Variants in FRMD4B observed in about 807,000 individuals in gnomAD.
The protein encoded by FRMD4B is FERM domain-containing protein 4B.
In FRMD4B, 74 loss-of-function variants were observed where a neutral mutation model predicts 141.5. The ratio of observed to expected loss-of-function variants is 0.52; its 90% CI spans 0.43 to 0.63. The LOEUF (loss-of-function observed/expected upper bound fraction) is 0.63, where lower values mean the gene tolerates loss of function less well. FRMD4B is among the 30% of genes least tolerant of loss of function. The probability of loss-of-function intolerance (pLI) is 0.00; values close to 1 mark genes in which losing one functional copy is unlikely to be tolerated. For missense variants in FRMD4B, 1,366 were observed against 1,253.4 expected, an observed-to-expected ratio of 1.09 and a Z score of -1.36; for synonymous variants, 506 against 467.9, an observed-to-expected ratio of 1.08 and a Z score of -1.05.
At chr3:69,522,619 C>T (rs1352522361) in intron 1 of FRMD4B, among the ~76,000 whole-genome samples, 2 of 152,102 alleles carry the variant, frequency 1.3e-5, no homozygotes, top group African/African-American at 4.8e-5. Context: ...TCATCTGAAA[C>T]TGGGGTCCGT....
At chr3:69,515,392 CCTTCTTAAGACTGCAGTAT>C (rs1158655185) in intron 1 of FRMD4B, among the ~76,000 whole-genome samples, 3 of 152,176 alleles carry the variant, frequency 2.0e-5, no homozygotes, top group Admixed American at 1.3e-4. Flanking sequence ...TCATGCTCCA[CCTTCTTAAGACTGCAGTAT>C]CTTCAATTAT....
At chr3:69,496,637 AAG>A (rs1169584495) in intron 1 of FRMD4B, among the ~76,000 whole-genome samples, 924 of 56,454 alleles carry the variant, frequency 0.016, 7 homozygotes, top group Middle Eastern at 0.03. Context: ...GAGAGAGAGA[AAG>A]AGAGAGAGAG....
intron 1 of FRMD4B, among the ~76,000 whole-genome samples, chr3:69,440,344 T>G (rs1390027283): frequency 3.3e-5 from 5 of 152,376 alleles, no homozygotes; most frequent in Admixed American, 6.5e-5. Context: ...GCATCCTATA[T>G]CATATAGAAA....
chr3:69,273,527 T>C (rs1559769548), intron 5 of FRMD4B, among the ~76,000 whole-genome samples: 1 of 152,236 alleles, frequency 6.6e-6, no homozygotes, highest in Non-Finnish European at 1.5e-5. Flanking sequence ...TTAGAAACAG[T>C]AGCTCCACCT....
intron 18 of FRMD4B, among the ~76,000 whole-genome samples, chr3:69,188,734 G>A (rs1187785651): frequency 2.2e-5 from 3 of 137,018 alleles, no homozygotes; most frequent in African/African-American, 2.8e-5. Context: ...TCCGCAGTCC[G>A]ACCTGGGCGA....
At chr3:69,258,457 C>A (rs2093506258) in intron 5 of FRMD4B, among the ~76,000 whole-genome samples, 2 of 151,996 alleles carry the variant, frequency 1.3e-5, no homozygotes, top group Admixed American at 1.3e-4. Context: ...TAAACTATAT[C>A]AAATCAATAC....
chr3:69,339,834 T>C (rs1193651760), intron 1 of FRMD4B, among the ~76,000 whole-genome samples: 2 of 152,112 alleles, frequency 1.3e-5, no homozygotes, highest in South Asian at 2.1e-4. Context: ...AGTGTCTTCA[T>C]CTCACAGGCA....
At chr3:69,401,566 C>T (rs1336950776) in intron 2 of FRMD4B, among the ~76,000 whole-genome samples, 1 of 152,118 alleles carries the variant, frequency 6.6e-6, no homozygotes, top group Non-Finnish European at 1.5e-5. Flanking sequence ...TCTTTCTTTT[C>T]TGAGTCAGGG....
chr3:69,346,456 C>G (rs1200421516), intron 1 of FRMD4B, among the ~76,000 whole-genome samples: 1 of 152,040 alleles, frequency 6.6e-6, no homozygotes, highest in Non-Finnish European at 1.5e-5. Context: ...GCAGGCCAAC[C>G]TTCAAATTCA....
chr3:69,539,496 T>C (rs764508497), intron 1 of FRMD4B, among the ~76,000 whole-genome samples: 11 of 152,242 alleles, frequency 7.2e-5, no homozygotes, highest in Non-Finnish European at 1.2e-4. Context: ...GATAGAAATT[T>C]ATTAATTTCA....
intron 1 of FRMD4B, among the ~76,000 whole-genome samples, chr3:69,350,473 C>T (rs373608650): frequency 1.3e-5 from 2 of 152,038 alleles, no homozygotes; most frequent in Admixed American, 1.3e-4. Context: ...CCCATTACTG[C>T]GTATATACCC....
At chr3:69,327,266 T>C (rs1298706481) in intron 1 of FRMD4B, among the ~76,000 whole-genome samples, 3 of 152,228 alleles carry the variant, frequency 2.0e-5, no homozygotes, top group Admixed American at 1.3e-4. Flanking sequence ...AAAAAAGTAC[T>C]GCGTCTTTCA....
chr3:69,277,231 A>T (rs1348043016), intron 5 of FRMD4B, among the ~76,000 whole-genome samples: 2 of 152,174 alleles, frequency 1.3e-5, no homozygotes, highest in East Asian at 3.9e-4. Flanking sequence ...GAAGCCTACT[A>T]AAGCCTTACA....
At chr3:69,486,810 G>A (rs909167788) in intron 1 of FRMD4B, among the ~76,000 whole-genome samples, 1 of 152,186 alleles carries the variant, frequency 6.6e-6, no homozygotes, top group African/African-American at 2.4e-5. Context: ...CAAATGTTAA[G>A]AAGCAATGTT....
chr3:69,192,484 A>G (rs1230236680), intron 17 of FRMD4B, among the ~76,000 whole-genome samples: 1 of 152,204 alleles, frequency 6.6e-6, no homozygotes, highest in African/African-American at 2.4e-5. Context: ...AAATACAATC[A>G]TATTTCAGTC....
intron 1 of FRMD4B, among the ~76,000 whole-genome samples, chr3:69,481,101 G>A (rs1706115653): frequency 6.6e-6 from 1 of 152,170 alleles, no homozygotes; most frequent in Non-Finnish European, 1.5e-5. Context: ...TGATTTTCCA[G>A]GTGCTGTCTG....
chr3:69,511,046 C>T (rs1351023792), intron 1 of FRMD4B, among the ~76,000 whole-genome samples: 1 of 152,056 alleles, frequency 6.6e-6, no homozygotes, highest in Non-Finnish European at 1.5e-5. Flanking sequence ...GAACAAACAC[C>T]ATTTTTCCAA....
chr3:69,505,368 A>T (rs1706579332), intron 1 of FRMD4B, among the ~76,000 whole-genome samples: 1 of 152,102 alleles, frequency 6.6e-6, no homozygotes, highest in African/African-American at 2.4e-5. Context: ...ACAGAGCAAG[A>T]CCCTATCTCA....
At chr3:69,272,758 T>C (rs574267954) in intron 5 of FRMD4B, among the ~76,000 whole-genome samples, 1 of 152,216 alleles carries the variant, frequency 6.6e-6, no homozygotes, top group Non-Finnish European at 1.5e-5. Flanking sequence ...CTAACAGTAA[T>C]GGACCAGTTA....
Sources: allele counts gnomAD v4.1 joint callset (sites outside exome capture counted in the v4.1 genomes callset), GRCh38; gene constraint gnomAD v4.1.1; transcripts MANE v1.5; gene names NCBI Gene and HGNC (gene_info 2026-07-23, HGNC 2026-07-21).